Variants in RUVBL1 observed in about 807,000 individuals in gnomAD.
The protein encoded by RUVBL1 is RuvB like AAA ATPase 1, also known as ruvB-like 1.
In RUVBL1, 4 loss-of-function variants were observed where a neutral mutation model predicts 52.4. The ratio of observed to expected loss-of-function variants is 0.08; its 90% CI spans 0.04 to 0.17. The LOEUF (loss-of-function observed/expected upper bound fraction) is 0.17. Among genes scored for constraint, RUVBL1 ranks in the 10% least tolerant of loss-of-function variants. The probability of loss-of-function intolerance (pLI) is 1.00; values close to 1 mark genes in which losing one functional copy is unlikely to be tolerated. For synonymous variants in RUVBL1, 217 were observed against 214.4 expected (o/e 1.01, Z -0.10); for missense variants, 298 against 572.8 (o/e 0.52, Z 4.90).
chr3:128,133,100 A>T (rs1005551045), intron 1 of RUVBL1, among the ~76,000 whole-genome samples: 5 of 152,214 alleles, frequency 3.3e-5, no homozygotes, highest in Non-Finnish European at 7.3e-5. Context: ...AGCGGTAGCC[A>T]GGCAGTTCTT....
intron 8 of RUVBL1, among the ~76,000 whole-genome samples, chr3:128,090,344 C>T (rs932034735): frequency 2.0e-5 from 3 of 151,862 alleles, no homozygotes; most frequent in African/African-American, 7.3e-5. Flanking sequence ...ACGGTGAAAC[C>T]CCGTCTCTAC....
At chr3:128,115,668 T>G (rs959785739) in intron 2 of RUVBL1, among the ~76,000 whole-genome samples, 6 of 152,236 alleles carry the variant, frequency 3.9e-5, no homozygotes, top group Non-Finnish European at 8.8e-5. Flanking sequence ...CATATGCTTC[T>G]AGCAATATGG....
chr3:128,153,527 A>G (rs1195222467), exon 1 of RUVBL1: 1 of 1,515,376 alleles, frequency 6.6e-7, no homozygotes, highest in African/African-American at 1.4e-5. Context: ...CGGCGGGTGA[A>G]CGTGAACGTG....
chr3:128,099,566 A>C (rs1334373103), intron 6 of RUVBL1, among the ~76,000 whole-genome samples: 1 of 152,212 alleles, frequency 6.6e-6, no homozygotes, highest in Non-Finnish European at 1.5e-5. Context: ...GGCTGACTCC[A>C]TAACAGGTTC....
chr3:128,127,757 G>GA (rs1374212205), upstream of RUVBL1, among the ~76,000 whole-genome samples: 9 of 152,194 alleles, frequency 5.9e-5, no homozygotes, highest in Non-Finnish European at 4.4e-5. Context: ...AACACTTTGG[G>GA]AGGCCGAGGT....
chr3:128,068,117 C>CTATCAGG, intron 9 of RUVBL1: 1 of 1,361,112 alleles, frequency 7.3e-7, no homozygotes. Flanking sequence ...TGTTTCTTTC[C>CTATCAGG]ATGCAGGGCA....
intron 1 of RUVBL1, among the ~76,000 whole-genome samples, chr3:128,129,150 A>G (rs904376021): frequency 4.6e-5 from 7 of 152,216 alleles, no homozygotes; most frequent in Admixed American, 2.6e-4. Context: ...TGAATCTGCT[A>G]TCTCAAAAGT....
intron 2 of RUVBL1, among the ~76,000 whole-genome samples, chr3:128,117,653 C>T (rs561851394): frequency 1.2e-4 from 18 of 151,012 alleles, no homozygotes; most frequent in African/African-American, 4.4e-4. Flanking sequence ...TGCTCTGTCA[C>T]CCAGGCTAGA....
downstream of RUVBL1, among the ~76,000 whole-genome samples, chr3:128,076,990 G>A (rs981810359): frequency 3.3e-5 from 5 of 152,128 alleles, no homozygotes; most frequent in South Asian, 1.0e-3. The surrounding 1 kb of genome is among the most constrained non-coding windows in gnomAD (Gnocchi z 6.8). Flanking sequence ...GGCGGGTGAC[G>A]GAGCGGGCAA....
At chr3:128,149,120 CCTTT>C (rs915564000) in intron 1 of RUVBL1, among the ~76,000 whole-genome samples, 7 of 150,774 alleles carry the variant, frequency 4.6e-5, no homozygotes, top group African/African-American at 9.8e-5. Context: ...CTTTTCCTTT[CCTTT>C]CTTTCTTTTC....
At chr3:128,099,457 A>G (rs1401196513) in intron 6 of RUVBL1, among the ~76,000 whole-genome samples, 1 of 152,218 alleles carries the variant, frequency 6.6e-6, no homozygotes, top group East Asian at 1.9e-4. Context: ...ATAAAGAGCA[A>G]GTATAAATAT....
In RUVBL1 at chr3:128,123,619, C is replaced by T. The variant is rs750605433; in HGVS notation, c.106G>A (p.Ala36Thr). 19 of 1,611,286 alleles carry T rather than the reference C, an allele frequency of 1.2e-5. No individual in the cohort carries two copies. The South Asian group carries it at 1.8e-4, about 15-fold the overall frequency. ...TTCTCCTGGCCCACAAGCCCTGAGG[C>T]CGCCTGCTTGGCCAAGCCGCTCTCG... ...LDESGLAKQA[A>T]SGLVGQENAR... Residue 36 changes from alanine (A) to threonine (T), a missense_variant, in exon 1 of 11, where the codon GCC (alanine) becomes ACC (threonine). By Grantham distance (58) the Ala-to-Thr change is moderately conservative. Around this residue, in one of 5 missense-constraint regions of RUVBL1, gnomAD observed 71 missense variants for 125.7 expected, o/e 0.57. Transcript: ENST00000322623.
intron 6 of RUVBL1, 79 bp from the exon 7 acceptor site, chr3:128,099,024 C>T (rs1257518496): frequency 1.3e-5 from 15 of 1,194,738 alleles, no homozygotes; most frequent in Non-Finnish European, 1.7e-5. Flanking sequence ...TCCCACTCAT[C>T]AACTCAACAT....
intron 2 of RUVBL1, among the ~76,000 whole-genome samples, chr3:128,116,157 C>A (rs1428428910): frequency 6.6e-6 from 1 of 151,240 alleles, no homozygotes; most frequent in African/African-American, 2.4e-5. Flanking sequence ...AAAAAACAAA[C>A]AAACAAACAA....
rs1189608059 is a variant in RUVBL1 at position 128,097,487 on chromosome 3, C to G, written c.829G>C (p.Gly277Arg). Residue 277 changes from glycine to arginine, a missense_variant, in exon 8 of 11, where the codon GGG becomes CGG. Coordinates refer to ENST00000322623, the MANE Select transcript of RUVBL1 (RefSeq NM_003707.3). ...TTGTTCACCACCTTATTAATCTCCC[C>G]TCGAAGTTTGTCTAGGAGATGCAAG... is the stretch of plus-strand genomic sequence containing the variant. ...KKTEITDKLRGEINKVVNKYI... is the reference protein window; with the variant it reads ...KKTEITDKLRREINKVVNKYI... 2 of 1,614,038 alleles carry G rather than the reference C, an allele frequency of 1.2e-6. No homozygotes were observed. The highest frequency in any genetic ancestry group is 2.7e-5 in the African/African-American group (2 of 74,920).
chr3:128,106,712 G>A (rs1943250682), intron 3 of RUVBL1, among the ~76,000 whole-genome samples: 1 of 152,316 alleles, frequency 6.6e-6, no homozygotes, highest in East Asian at 1.9e-4. Context: ...CCCAAGAAAC[G>A]AACCTGCAGA....
In RUVBL1 at chr3:128,087,777, T is replaced by G; in HGVS notation, c.1048A>C (p.Ile350Leu). 1 of 1,614,038 alleles carries G rather than the reference T, an allele frequency of 6.2e-7. No homozygotes were observed. The highest frequency in any genetic ancestry group is 8.5e-7 in the Non-Finnish European group (1 of 1,179,978). ...GTEDITSPHG[I>L]PLDLLDRVMI... is the part of the protein sequence containing the mutation. ...ACTCGGTCCAGAAGGTCAAGAGGGA[T>G]GCCGTGAGGGGATGTGATGTCCTCA... The change falls in exon 9 of 11, where the codon ATC becomes CTC. Residue 350 changes from isoleucine (I) to leucine (L), a missense_variant. Coordinates refer to ENST00000322623, the MANE Select transcript of RUVBL1 (RefSeq NM_003707.3).
At chr3:128,089,245 C>A (rs1190208908) in intron 8 of RUVBL1, among the ~76,000 whole-genome samples, 2 of 152,242 alleles carry the variant, frequency 1.3e-5, no homozygotes, top group Non-Finnish European at 2.9e-5. Flanking sequence ...AGGAATAACA[C>A]CCCAGGGAGG....
chr3:128,101,719 T>G, intron 4 of RUVBL1, 71 bp from the exon 5 acceptor site: 386 of 1,312,686 alleles, frequency 2.9e-4, no homozygotes, highest in Non-Finnish European at 3.4e-4. Context: ...TAAGGTACCT[T>G]TCCGTAAGGG....
Sources: allele counts gnomAD v4.1 joint callset (sites outside exome capture counted in the v4.1 genomes callset), GRCh38; gene constraint gnomAD v4.1.1; regional missense constraint gnomAD v4.1.1; non-coding constraint Gnocchi (gnomAD v3.1); transcripts MANE v1.5; gene names NCBI Gene and HGNC (gene_info 2026-07-23, HGNC 2026-07-21).